The following DNAH8 variants were observed in gnomAD, a reference collection of about 807,000 sequenced individuals.
DNAH8 encodes axonemal beta dynein heavy chain 8.
In DNAH8, 382 loss-of-function variants were observed where a neutral mutation model predicts 562.1. The observed-to-expected ratio is 0.68, with a 90% CI of 0.63 to 0.74. The LOEUF (loss-of-function observed/expected upper bound fraction) is 0.74, where lower values mean the gene tolerates loss of function less well. Ranked by LOEUF, DNAH8 falls within the 30% of genes least tolerant of loss-of-function variation. The pLI, the probability that DNAH8 is intolerant of heterozygous loss-of-function variation, is 0.00. For missense variants in DNAH8, 5,203 were observed against 5,620.4 expected (o/e 0.93, Z 2.37); for synonymous variants, 1,881 against 1,919.4 (o/e 0.98, Z 0.52).
chr6:38,917,923 A>G lies in DNAH8; in HGVS notation c.10309-2A>G. On this transcript the variant is annotated splice_acceptor_variant, in intron 69 of 92. Coordinates refer to ENST00000327475, the MANE Select transcript of DNAH8 (RefSeq NM_001206927.2). LOFTEE classifies it high-confidence loss of function. ...CTTACAGGTTATAATACTATTTTTC[A>G]GTTGATGAGTGCAACAGGATTCCTG... 6.2e-7 allele frequency: 1 copy of G among 1,603,158 alleles called. No individual in the cohort carries two copies. Among genetic ancestry groups the G allele is most frequent in the Non-Finnish European group, 8.5e-7 (1 of 1,174,660 alleles).
chr6:38,781,409 G>T, intron 16 of DNAH8, 36 bp downstream of exon 16: 1 of 1,608,884 alleles, frequency 6.2e-7, no homozygotes, highest in Non-Finnish European at 8.5e-7. Context: ...TGTGGATTTT[G>T]GTGGTTTTAA....
At chr6:38,849,571 G>GGTT (rs1562985522) in intron 37 of DNAH8, among the ~76,000 whole-genome samples, 1 of 135,150 alleles carries the variant, frequency 7.4e-6, no homozygotes, top group Non-Finnish European at 1.6e-5. Flanking sequence ...TTTTTTTTTT[G>GGTT]CTTTTTTTTT....
chr6:38,970,582 C>A (rs1472951834), intron 82 of DNAH8, among the ~76,000 whole-genome samples: 1 of 152,188 alleles, frequency 6.6e-6, no homozygotes, highest in Non-Finnish European at 1.5e-5. Flanking sequence ...GAATATCTGG[C>A]CATTAACCAC....
intron 21 of DNAH8, among the ~76,000 whole-genome samples, chr6:38,798,860 A>G (rs1393836519): frequency 6.6e-6 from 1 of 152,176 alleles, no homozygotes; most frequent in Non-Finnish European, 1.5e-5. Context: ...CATCACCACC[A>G]CTAGGGCTGA....
rs145206381 is a variant in DNAH8, at chr6:38,766,139, A to ATGTGTGTGTG, written c.1618-4266_1618-4257dup. ...TGTATGTATATATGTATGTGTTTGTATGTGTGTGTGTGTGTGTTTGTGTAT... is the reference window on the plus strand; with the variant it reads ...TGTATGTATATATGTATGTGTTTGTATGTGTGTGTGTGTGTGTGTGTGTGTGTTTGTGTAT... On this transcript the variant is annotated intron_variant, in intron 11 of 92. Coordinates refer to ENST00000327475, the MANE Select transcript of DNAH8 (RefSeq NM_001206927.2). 8.3e-4 allele frequency among the ~76,000 whole-genome samples: 126 copies of ATGTGTGTGTG among 151,002 alleles called. 1 individual carries two copies. The highest frequency in any genetic ancestry group is 2.9e-3 in the African/African-American group (120 of 41,230).
Position 38,918,131 on chromosome 6 carries a change from G to T in DNAH8, c.10515G>T (p.Leu3505Phe). The T allele has an allele frequency of 1.9e-6, 3 of 1,605,968 alleles. No homozygotes were observed. The highest frequency in any genetic ancestry group is 2.6e-6 in the Non-Finnish European group (3 of 1,175,936). ...TTTATGGCATCAATAGAGAAGTGTTGCCTCTGAAGGTAAAAGTTTCCTTCC... is the reference window on the plus strand; with the variant it reads ...TTTATGGCATCAATAGAGAAGTGTTTCCTCTGAAGGTAAAAGTTTCCTTCC... ...AIFYGINREV[L>F]PLKANLAKQE... Residue 3505 changes from leucine to phenylalanine, a missense_variant, in exon 70 of 93, where the codon TTG becomes TTT. By Grantham distance (22) the Leu-to-Phe change is conservative (BLOSUM62 0). Transcript: ENST00000327475.
chr6:38,886,921 A>G lies in DNAH8; in HGVS notation c.8390A>G (p.Asn2797Ser), dbSNP rs781208495. 106 of 1,613,956 alleles carry G rather than the reference A, an allele frequency of 6.6e-5. No homozygotes were observed. The highest frequency in any genetic ancestry group is 1.6e-4 in the Middle Eastern group (1 of 6,084). Residue 2797 changes from asparagine to serine, a missense_variant, in exon 57 of 93, where the codon AAT becomes AGT. This residue lies in a region of DNAH8 where 977 missense variants were observed against 1,061.8 expected (regional missense o/e 0.92). Coordinates refer to ENST00000327475, the MANE Select transcript of DNAH8 (RefSeq NM_001206927.2). ...AAMIHPGGGR[N>S]DIPQRLKRQF... Reference sequence around the variant, plus strand: ...ATGATCCACCCTGGAGGTGGTCGAAATGATATTCCACAACGTTTAAAAAGA... The same window carrying G: ...ATGATCCACCCTGGAGGTGGTCGAAGTGATATTCCACAACGTTTAAAAAGA...
At chr6:39,011,834 C>T (rs1766230686) in intron 89 of DNAH8, among the ~76,000 whole-genome samples, 2 of 152,090 alleles carry the variant, frequency 1.3e-5, no homozygotes, top group African/African-American at 4.8e-5. Flanking sequence ...AATAACTCTG[C>T]AAACATAATG....
chr6:38,918,890 G>T (rs1235487822), intron 70 of DNAH8, among the ~76,000 whole-genome samples: 1 of 152,132 alleles, frequency 6.6e-6, no homozygotes, highest in Non-Finnish European at 1.5e-5. Context: ...AGGAGTCGGT[G>T]GGCAGGGGGT....
intron 4 of DNAH8, 147 bp downstream of exon 4, chr6:38,730,133 A>T: frequency 1.9e-6 from 1 of 537,094 alleles, no homozygotes; most frequent in South Asian, 3.0e-5. Flanking sequence ...TGTCTCAAGA[A>T]CAATACATTC....
intron 5 of DNAH8, among the ~76,000 whole-genome samples, chr6:38,736,730 G>A (rs1305044174): frequency 6.6e-6 from 1 of 151,728 alleles, no homozygotes; most frequent in African/African-American, 2.4e-5. Context: ...AAAAAATCAT[G>A]GACAGGGCAA....
intron 3 of DNAH8, among the ~76,000 whole-genome samples, chr6:38,725,320 A>ATAATAATAATAATAG (rs1763126121): frequency 1.4e-5 from 2 of 147,768 alleles, no homozygotes; most frequent in South Asian, 4.2e-4. Context: ...AATAATAATA[A>ATAATAATAATAATAG]TAATAATAAT....
At chr6:38,886,414 C>T (rs999423740) in intron 56 of DNAH8, among the ~76,000 whole-genome samples, 1 of 152,128 alleles carries the variant, frequency 6.6e-6, no homozygotes, top group East Asian at 1.9e-4. Context: ...AGAAACCATC[C>T]TACATTCTGA....
chr6:38,956,521 C>T (rs777386457), intron 82 of DNAH8, among the ~76,000 whole-genome samples: 7 of 152,138 alleles, frequency 4.6e-5, no homozygotes, highest in East Asian at 1.9e-4. Context: ...TGAAGGGCTC[C>T]GGTCTCAGCC....
chr6:38,731,125 G>A (rs781777282), intron 4 of DNAH8, among the ~76,000 whole-genome samples: 1 of 152,114 alleles, frequency 6.6e-6, no homozygotes, highest in Non-Finnish European at 1.5e-5. Context: ...TTGGCTTTGT[G>A]GATTTTCTGT....
chr6:38,870,092 G>A (rs1314670588), intron 48 of DNAH8, among the ~76,000 whole-genome samples: 1 of 152,182 alleles, frequency 6.6e-6, no homozygotes, highest in Non-Finnish European at 1.5e-5. Context: ...ATCAGATCTT[G>A]TGAGACTTAT....
intron 24 of DNAH8, among the ~76,000 whole-genome samples, chr6:38,810,431 A>C (rs527800299): frequency 3.3e-5 from 5 of 152,216 alleles, no homozygotes; most frequent in African/African-American, 1.2e-4. Flanking sequence ...GTCTCTACTA[A>C]AAATACAAAA....
chr6:38,850,681 T>C lies in DNAH8; in HGVS notation c.5363+267T>C, dbSNP rs543138197. On this transcript the variant is annotated intron_variant, in intron 38 of 92. Transcript: ENST00000327475. ...CAACAGAAATTCATTCTCACAGTTG[T>C]GGAGACAAGAAGTCTGAAATCAAGG... 2.0e-5 allele frequency among the ~76,000 whole-genome samples: 3 copies of C among 152,342 alleles called. No individual in the cohort carries two copies. In the South Asian group the frequency reaches 6.2e-4, roughly 32 times the overall value.
At chr6:38,721,632 G>T (rs1178839881) in intron 1 of DNAH8, among the ~76,000 whole-genome samples, 1 of 152,210 alleles carries the variant, frequency 6.6e-6, no homozygotes, top group Non-Finnish European at 1.5e-5. Context: ...GGGACAGTGG[G>T]TGGGTAAACT....
Sources: allele counts gnomAD v4.1 joint callset (sites outside exome capture counted in the v4.1 genomes callset), GRCh38; gene constraint gnomAD v4.1.1; regional missense constraint gnomAD v4.1.1; transcripts MANE v1.5; gene names NCBI Gene and HGNC (gene_info 2026-07-23, HGNC 2026-07-21).